PIR: variants seen among roughly 807,000 people sequenced by gnomAD.
PIR encodes pirin.
PIR carries 22 observed loss-of-function variants against 24.2 expected under a neutral mutation model. The ratio of observed to expected loss-of-function variants is 0.91; its 90% CI spans 0.65 to 1.30. The LOEUF (loss-of-function observed/expected upper bound fraction) is 1.30. Ranked by LOEUF, PIR falls within the 50% of genes most tolerant of loss-of-function variation. PIR has a pLI of 0.00. For missense variants in PIR, 220 were observed against 220.3 expected, an observed-to-expected ratio of 1.00 and a Z score of 0.01; for synonymous variants, 80 against 79.6, an observed-to-expected ratio of 1.00 and a Z score of -0.03.
chrX:15,453,909 CTT>C (rs952525732), intron 5 of PIR, among the ~76,000 whole-genome samples: 1 of 111,978 alleles, frequency 8.9e-6, no homozygotes, highest in Admixed American at 9.5e-5. Context: ...CAGTTCAACT[CTT>C]TTTCTAAATC....
intron 5 of PIR, among the ~76,000 whole-genome samples, chrX:15,429,165 C>T (rs1026802859): frequency 3.7e-5 from 4 of 107,469 alleles, no homozygotes; most frequent in Non-Finnish European, 7.6e-5. Flanking sequence ...TCTCTTGCTT[C>T]TCAACCTAAT....
chrX:15,448,651 T>G lies in PIR; in HGVS notation c.480+7197A>C, dbSNP rs112983701. ...CCCATATTTTGCATCATTTCCTTCC[T>G]CTTGCCCTGCCATAACTCCACAAGT... On this transcript the variant is annotated intron_variant, in intron 5 of 9. Transcript: ENST00000380420. 5.9e-3 allele frequency among the ~76,000 whole-genome samples: 662 copies of G among 112,237 alleles called. 6 individuals carry two copies. The highest frequency in any genetic ancestry group is 0.02 in the African/African-American group (622 of 30,900).
In PIR at chrX:15,392,517, A is replaced by G. The variant is rs757925045; in HGVS notation, c.694-2266T>C. ...AAGATTACTGGATTCAATAAAATTA[A>G]TAATTAATTCCTTAATCTTCCATGT... On this transcript the variant is annotated intron_variant, in intron 8 of 9. Transcript: ENST00000380420. Among the ~76,000 whole-genome samples, 3 of 111,950 alleles carry G rather than the reference A, an allele frequency of 2.7e-5. No individual in the cohort carries two copies. In the East Asian group the frequency reaches 8.4e-4, roughly 31 times the overall value.
intron 2 of PIR, among the ~76,000 whole-genome samples, chrX:15,488,278 C>CAAAAAAAAAAAAAAAAAAAAAAAAA: frequency 3.1e-5 from 1 of 31,896 alleles, no homozygotes; most frequent in Non-Finnish European, 6.4e-5. Context: ...AACTCCGTCT[C>CAAAAAAAAAAAAAAAAAAAAAAAAA]AAAAAAAAAA....
At chrX:15,412,567 C>T (rs922093491) in intron 6 of PIR, among the ~76,000 whole-genome samples, 7 of 112,031 alleles carry the variant, frequency 6.2e-5, no homozygotes, top group Non-Finnish European at 1.1e-4. Context: ...ATTTTCTACA[C>T]GCGTAAATTG....
chrX:15,467,012 A>G (rs1250002442), intron 3 of PIR, among the ~76,000 whole-genome samples: 1 of 112,596 alleles, frequency 8.9e-6, no homozygotes, highest in Non-Finnish European at 1.9e-5. Context: ...AGCCCCATGA[A>G]GGCAGGGACT....
chrX:15,463,630 A>C (rs1203057273), intron 3 of PIR, among the ~76,000 whole-genome samples: 1 of 112,325 alleles, frequency 8.9e-6, no homozygotes, highest in Non-Finnish European at 1.9e-5. Context: ...ATGGCTACAA[A>C]AATTAGAGGT....
At chrX:15,446,081 G>A (rs948652506) in intron 5 of PIR, among the ~76,000 whole-genome samples, 2 of 109,927 alleles carry the variant, frequency 1.8e-5, no homozygotes, top group Middle Eastern at 4.7e-3. Flanking sequence ...CACCCGCCTC[G>A]GCCTCCCAAA....
chrX:15,444,391 C>T (rs1926019327), intron 5 of PIR, among the ~76,000 whole-genome samples: 1 of 112,437 alleles, frequency 8.9e-6, no homozygotes, highest in Non-Finnish European at 1.9e-5. Context: ...ACTTAACAGA[C>T]TACAAAATAG....
intron 5 of PIR, among the ~76,000 whole-genome samples, chrX:15,435,394 C>G (rs954674595): frequency 8.9e-6 from 1 of 111,927 alleles, no homozygotes; most frequent in African/African-American, 3.2e-5. Context: ...TTCTTTTCCT[C>G]AATTGATGAT....
chrX:15,476,264 T>G (rs999413863), intron 3 of PIR, among the ~76,000 whole-genome samples: 1 of 112,093 alleles, frequency 8.9e-6, no homozygotes, highest in Admixed American at 9.5e-5. Context: ...AATGTGAGTG[T>G]GCACTCAAAA....
rs531115916 is a variant in PIR, at chrX:15,469,843, G to A, written c.189+9886C>T. ...ATTTCCTCATTATACTGGAAGTTCAGAGGACAAGTGAGAGCACTATTTTGG... is the reference window on the plus strand; with the variant it reads ...ATTTCCTCATTATACTGGAAGTTCAAAGGACAAGTGAGAGCACTATTTTGG... On this transcript the variant is annotated intron_variant, in intron 3 of 9. Coordinates refer to ENST00000380420, the MANE Select transcript of PIR (RefSeq NM_001018109.3). Among the ~76,000 whole-genome samples, 7 of 111,458 alleles carry A rather than the reference G, an allele frequency of 6.3e-5. No homozygotes were observed. In the South Asian group the frequency reaches 2.7e-3, roughly 42 times the overall value.
At chrX:15,491,369 A>C in intron 1 of PIR, 60 bp from the exon 2 acceptor site, 1 of 481,837 alleles carries the variant, frequency 2.1e-6, no homozygotes, top group Non-Finnish European at 3.5e-6. Context: ...CAAGGACTAC[A>C]AAATAAATGA....
intron 5 of PIR, among the ~76,000 whole-genome samples, chrX:15,433,984 C>A (rs111161927): frequency 0.42 from 7,506 of 17,999 alleles, 1,048 homozygotes; most frequent in East Asian, 0.64. Context: ...AAGGAGAAAG[C>A]AGGAGGAGGA....
At chrX:15,424,015 C>T (rs956574477) in intron 6 of PIR, among the ~76,000 whole-genome samples, 2 of 111,875 alleles carry the variant, frequency 1.8e-5, no homozygotes, top group Non-Finnish European at 3.8e-5. Flanking sequence ...TATGAAGGTT[C>T]CTCAAAAAAC....
intron 5 of PIR, among the ~76,000 whole-genome samples, chrX:15,430,834 G>A (rs993635171): frequency 2.7e-5 from 3 of 111,667 alleles, no homozygotes; most frequent in East Asian, 5.6e-4. Flanking sequence ...AGCATGCTAC[G>A]TTGCTATGTA....
chrX:15,444,116 A>G lies in PIR; in HGVS notation c.480+11732T>C, dbSNP rs147310309. Among the ~76,000 whole-genome samples, 378 of 112,234 alleles carry G rather than the reference A, an allele frequency of 3.4e-3. 1 individual carries two copies. The highest frequency in any genetic ancestry group is 0.012 in the African/African-American group (366 of 30,880). On this transcript the variant is annotated intron_variant, in intron 5 of 9. Transcript: ENST00000380420. ...GGGTAAAATATAATCGAACAGCATT[A>G]CACGCTACAGAGAAATATTTCGTGA... is the stretch of plus-strand genomic sequence containing the variant.
At chrX:15,424,963 C>T (rs1925258025) in intron 6 of PIR, among the ~76,000 whole-genome samples, 1 of 109,757 alleles carries the variant, frequency 9.1e-6, no homozygotes, top group Admixed American at 9.7e-5. Context: ...CATGCCACTG[C>T]ACTTTAGCCT....
At chrX:15,425,883 C>T (rs1925298260) in intron 6 of PIR, 23 bp downstream of exon 6, 3 of 955,336 alleles carry the variant, frequency 3.1e-6, no homozygotes, top group Non-Finnish European at 4.4e-6. Flanking sequence ...GACGTGACTA[C>T]TAAACCCCAG....
Sources: allele counts gnomAD v4.1 joint callset (sites outside exome capture counted in the v4.1 genomes callset), GRCh38; gene constraint gnomAD v4.1.1; transcripts MANE v1.5; gene names NCBI Gene and HGNC (gene_info 2026-07-23, HGNC 2026-07-21).